Variants in ITPR2 observed in about 807,000 individuals in gnomAD.
ITPR2 encodes inositol 1,4,5-trisphosphate-gated calcium channel ITPR2.
In ITPR2, 207 loss-of-function variants were observed where a neutral mutation model predicts 317.1. That is an observed-to-expected ratio of 0.65 (90% CI 0.58 to 0.73). The LOEUF (loss-of-function observed/expected upper bound fraction) is 0.73. Among genes scored for constraint, ITPR2 ranks in the 30% least tolerant of loss-of-function variants. ITPR2 has a pLI of 0.00. For synonymous variants in ITPR2, 1,156 were observed against 1,149.1 expected (o/e 1.01, Z -0.12); for missense variants, 2,613 against 3,284.0 (o/e 0.80, Z 4.99).
In ITPR2 at chr12:26,754,216, C is replaced by A. The variant is rs1949481850; in HGVS notation, c.164-28451G>T. ...ATCTTCAGAAATGTAAACATTTAGT[C>A]TAAATTATGCTGGTCAGATATTAAG... On this transcript the variant is annotated intron_variant, in intron 2 of 56. Transcript: ENST00000381340. Among the ~76,000 whole-genome samples, 4 of 152,168 alleles carry A rather than the reference C, an allele frequency of 2.6e-5. No individual in the cohort carries two copies. The South Asian group carries it at 6.2e-4, about 24-fold the overall frequency.
intron 51 of ITPR2, among the ~76,000 whole-genome samples, chr12:26,412,122 G>A (rs1427909426): frequency 6.6e-6 from 1 of 152,148 alleles, no homozygotes; most frequent in Non-Finnish European, 1.5e-5. Context: ...TAGAGCCATC[G>A]AGGGAAGTCT....
intron 45 of ITPR2, among the ~76,000 whole-genome samples, chr12:26,465,187 T>G (rs974771538): frequency 7.9e-5 from 12 of 152,214 alleles, no homozygotes; most frequent in Admixed American, 7.9e-4. Flanking sequence ...TAGGAGCCAG[T>G]GAAGCAGAAC....
intron 41 of ITPR2, 44 bp from the exon 42 acceptor site, chr12:26,483,942 C>A (rs374277739): frequency 1.3e-6 from 2 of 1,515,608 alleles, no homozygotes; most frequent in Non-Finnish European, 1.8e-6. Context: ...CAAAAATTCA[C>A]TGTGCTGATT....
chr12:26,554,173 A>G (rs1008471530), intron 36 of ITPR2, among the ~76,000 whole-genome samples: 1 of 152,192 alleles, frequency 6.6e-6, no homozygotes, highest in African/African-American at 2.4e-5. Flanking sequence ...CAGTATCTCC[A>G]AGTTCTAGAC....
intron 32 of ITPR2, among the ~76,000 whole-genome samples, chr12:26,582,349 A>G (rs889113509): frequency 2.6e-5 from 4 of 152,192 alleles, no homozygotes; most frequent in Non-Finnish European, 5.9e-5. Context: ...AAATTACATC[A>G]TATCAAATGA....
At chr12:26,821,485 GA>G (rs1212607562) in intron 1 of ITPR2, among the ~76,000 whole-genome samples, 3 of 152,230 alleles carry the variant, frequency 2.0e-5, no homozygotes, top group Non-Finnish European at 2.9e-5. Flanking sequence ...CTGCTATTGA[GA>G]TTCCCAAAGC....
intron 4 of ITPR2, among the ~76,000 whole-genome samples, chr12:26,723,201 A>G (rs761173426): frequency 5.9e-5 from 9 of 152,164 alleles, no homozygotes; most frequent in Non-Finnish European, 1.2e-4. Context: ...CTTTCCATCT[A>G]TTATTACAAT....
Position 26,659,229 on chromosome 12 carries a change from C to G in ITPR2, c.1770G>C (p.Leu590Phe), listed in dbSNP as rs774368913. 1.2e-6 allele frequency: 2 copies of G among 1,613,518 alleles called. No individual in the cohort carries two copies. Among genetic ancestry groups the G allele is most frequent in the Non-Finnish European group, 1.7e-6 (2 of 1,179,744 alleles). The change falls in exon 16 of 57, where the codon TTG (leucine) becomes TTC (phenylalanine). Residue 590 changes from leucine to phenylalanine, a missense_variant. Coordinates refer to ENST00000381340, the MANE Select transcript of ITPR2 (RefSeq NM_002223.4). Reference protein sequence around the residue: ...VMQSQIGYDILAEDTITALLH... With the variant: ...VMQSQIGYDIFAEDTITALLH... ...ACAAAGCTGTGATAGTATCTTCTGC[C>G]AAAATATCATAGCCAATCTGGGACT...
chr12:26,769,344 T>G (rs1044848905), intron 2 of ITPR2, among the ~76,000 whole-genome samples: 1 of 152,180 alleles, frequency 6.6e-6, no homozygotes, highest in Non-Finnish European at 1.5e-5. Context: ...AATTGCTGTA[T>G]TTACCTTGAA....
chr12:26,419,966 A>T (rs1940839108), intron 49 of ITPR2: 1 of 152,140 alleles, frequency 6.6e-6, no homozygotes, highest in Admixed American at 6.6e-5. Context: ...TCTAAGCCCT[A>T]TGTGTGATAA....
At chr12:26,567,655 A>G (rs181810239) in intron 34 of ITPR2, among the ~76,000 whole-genome samples, 1 of 152,202 alleles carries the variant, frequency 6.6e-6, no homozygotes. Context: ...AAACAATTGT[A>G]AAAACACAAG....
At chr12:26,362,245 T>A (rs527502253) in intron 55 of ITPR2, among the ~76,000 whole-genome samples, 5 of 152,292 alleles carry the variant, frequency 3.3e-5, no homozygotes, top group Admixed American at 2.0e-4. Context: ...CTGCACTTCC[T>A]CAGAGGTGGG....
At chr12:26,361,963 CT>C (rs1938844892) in intron 55 of ITPR2, among the ~76,000 whole-genome samples, 1 of 152,222 alleles carries the variant, frequency 6.6e-6, no homozygotes, top group Non-Finnish European at 1.5e-5. Flanking sequence ...CCAAATCCCA[CT>C]TTGAATACAT....
intron 3 of ITPR2, 26 bp downstream of exon 3, chr12:26,725,624 C>A: frequency 6.7e-7 from 1 of 1,499,986 alleles, no homozygotes; most frequent in Non-Finnish European, 9.3e-7. Context: ...TAGCCTAAGC[C>A]AGACAATTGG....
At chr12:26,352,877 C>G (rs4963984) in intron 55 of ITPR2, among the ~76,000 whole-genome samples, 92,256 of 152,074 alleles carry the variant, frequency 0.61, 28,741 homozygotes, top group African/African-American at 0.75. Flanking sequence ...CTTTCCACCT[C>G]TGCATCCAGT....
intron 26 of ITPR2, among the ~76,000 whole-genome samples, chr12:26,615,234 C>T (rs749269727): frequency 2.0e-5 from 3 of 152,002 alleles, no homozygotes; most frequent in Non-Finnish European, 4.4e-5. Context: ...CGAGTTACCA[C>T]ATACAGACCA....
At chr12:26,664,798 T>C (rs1947585364) in intron 14 of ITPR2, among the ~76,000 whole-genome samples, 3 of 152,152 alleles carry the variant, frequency 2.0e-5, no homozygotes, top group Admixed American at 6.5e-5. Flanking sequence ...ATTTTTTATA[T>C]AATAATTACT....
intron 26 of ITPR2, among the ~76,000 whole-genome samples, chr12:26,617,710 A>AGGAGGGAAGGAAGGAGAGAGGGAG (rs1946401766): frequency 8.3e-6 from 1 of 120,396 alleles, no homozygotes; most frequent in African/African-American, 2.9e-5. Flanking sequence ...GAGAGAAGGA[A>AGGAGGGAAGGAAGGAGAGAGGGAG]GGAGGGAAGG....
intron 34 of ITPR2, among the ~76,000 whole-genome samples, chr12:26,575,782 T>A (rs1945261432): frequency 1.3e-5 from 2 of 152,208 alleles, no homozygotes; most frequent in Admixed American, 6.5e-5. Flanking sequence ...TCTCTGCAAT[T>A]CTATGCATGA....
Sources: gnomAD v4.1 joint callset for allele counts (sites outside exome capture counted in the v4.1 genomes callset) on GRCh38, gnomAD v4.1.1 for gene constraint, MANE v1.5 for transcripts, NCBI Gene and HGNC (gene_info 2026-07-23, HGNC 2026-07-21) for gene names.